Variants in RBM5 observed in about 807,000 individuals in gnomAD.
RBM5 encodes RNA-binding protein 5.
In RBM5, 15 loss-of-function variants were observed where a neutral mutation model predicts 124.6. The observed-to-expected ratio is 0.12, with a 90% CI of 0.08 to 0.19. The LOEUF is 0.19. Ranked by LOEUF, RBM5 falls within the 10% of genes least tolerant of loss-of-function variation. RBM5 has a pLI of 1.00. For synonymous variants in RBM5, 337 were observed against 361.2 expected (o/e 0.93, Z 0.76); for missense variants, 580 against 1,026.5 (o/e 0.57, Z 5.94).
Position 50,118,614 on chromosome 3 carries a change from A to G in RBM5, c.*158A>G. On this transcript the variant is annotated 3_prime_UTR_variant, in exon 25 of 25. Transcript: ENST00000347869. ...AGGGTTCTCCCTCCCACCTTAAAGA[A>G]GTTCCCCTTATGTGGGTTGCCTGGT... The G allele has an allele frequency of 8.3e-7, 1 of 1,201,944 alleles. No individual in the cohort carries two copies. The highest frequency in any genetic ancestry group is 1.1e-6 in the Non-Finnish European group (1 of 875,016). 74.5% of individuals were successfully genotyped at this position (1,201,944 alleles called of 1,614,324 possible).
intron 17 of RBM5, chr3:50,111,009 C>A: frequency 2.0e-6 from 1 of 509,028 alleles, no homozygotes; most frequent in Non-Finnish European, 3.5e-6. Flanking sequence ...ATGTGCAATT[C>A]TTTGAATGTT....
intron 4 of RBM5, among the ~76,000 whole-genome samples, chr3:50,099,233 G>C (rs2090889136): frequency 6.6e-6 from 1 of 150,898 alleles, no homozygotes; most frequent in South Asian, 2.1e-4. Flanking sequence ...TTCAGCCTGG[G>C]TGTCAGAGCT....
intron 7 of RBM5, among the ~76,000 whole-genome samples, 199 bp from the exon 8 acceptor site, chr3:50,104,049 A>G (rs967367305): frequency 6.6e-6 from 1 of 152,196 alleles, no homozygotes; most frequent in Non-Finnish European, 1.5e-5. Flanking sequence ...TCTTCAACAT[A>G]CAACAAACTT....
chr3:50,110,237 A>G (rs2091118258), intron 15 of RBM5, 142 bp from the exon 16 acceptor site: 1 of 681,802 alleles, frequency 1.5e-6, no homozygotes, highest in Non-Finnish European at 2.5e-6. Context: ...AGTTGTCAAC[A>G]TGTGTTTTGC....
intron 4 of RBM5, chr3:50,094,131 G>A: frequency 3.5e-6 from 1 of 281,874 alleles, no homozygotes; most frequent in Non-Finnish European, 6.6e-6. Context: ...CATGCCAAAG[G>A]TAATTTTATA....
At chr3:50,102,913 C>T in intron 6 of RBM5, 170 bp from the exon 7 acceptor site, 1 of 609,756 alleles carries the variant, frequency 1.6e-6, no homozygotes, top group South Asian at 1.9e-5. Context: ...CATTCTCTTA[C>T]TGCCTATCTG....
At chr3:50,110,545 C>T (rs931834763) in intron 16 of RBM5, 82 bp downstream of exon 16, 26 of 1,464,926 alleles carry the variant, frequency 1.8e-5, no homozygotes, top group South Asian at 4.6e-5. Context: ...TCTCCCTTTG[C>T]GGGTGTCAGA....
chr3:50,114,369 A>G (rs1349728565), intron 20 of RBM5, 118 bp downstream of exon 20: 6 of 1,022,978 alleles, frequency 5.9e-6, no homozygotes, highest in Admixed American at 3.0e-5. Context: ...ATCACTGTTG[A>G]TGGGTATTGG....
chr3:50,115,802 G>T (rs2109020044), intron 21 of RBM5, 104 bp from the exon 22 acceptor site: 1 of 1,273,024 alleles, frequency 7.9e-7, no homozygotes, highest in East Asian at 2.4e-5. Flanking sequence ...ATTGTGTATT[G>T]TTTGGGCTTT....
chr3:50,116,375 G>A (rs553289652), intron 22 of RBM5: 113 of 192,882 alleles, frequency 5.9e-4, no homozygotes, highest in Non-Finnish European at 9.2e-4. Flanking sequence ...TGATATGAAA[G>A]GAAGGGTGGG....
At chr3:50,116,671 C>G in intron 22 of RBM5, 2 of 268,274 alleles carry the variant, frequency 7.5e-6, no homozygotes, top group East Asian at 2.0e-4. Context: ...GAACAGGTCT[C>G]TGGAAGCCTC....
At position 50,117,460 on chromosome 3, in the gene RBM5, T is replaced by C. The variant is rs1034285768; in HGVS notation, c.2322+81T>C. 3 of 1,573,196 alleles carry C rather than the reference T, an allele frequency of 1.9e-6. No individual in the cohort carries two copies. Among genetic ancestry groups the C allele is most frequent in the Non-Finnish European group, 2.6e-6 (3 of 1,155,514 alleles). On this transcript the variant is annotated intron_variant, in intron 24 of 24. Coordinates refer to ENST00000347869, the MANE Select transcript of RBM5 (RefSeq NM_005778.4). The surrounding 1 kb of genome is among the most constrained non-coding windows in gnomAD (Gnocchi z 4.2). ...ATGAGATCAGAGCACTCATAGAGCC[T>C]GGGAGCCAGGAGCAGCTTTACCTTA... is the stretch of plus-strand genomic sequence containing the variant.
intron 1 of RBM5, among the ~76,000 whole-genome samples, chr3:50,089,679 C>T (rs2090667622): frequency 1.3e-5 from 2 of 152,138 alleles, no homozygotes; most frequent in African/African-American, 2.4e-5. Flanking sequence ...ACTAGGCTTC[C>T]AGAGACTACT....
intron 11 of RBM5, chr3:50,107,088 G>A: frequency 1.5e-6 from 1 of 683,086 alleles, no homozygotes; most frequent in Non-Finnish European, 2.7e-6. Flanking sequence ...CAGGAGAAAG[G>A]CAAGTATGGC....
In RBM5 at chr3:50,100,243, CT is replaced by C. The variant is rs898117383; in HGVS notation, c.409+200del. The stretch of plus-strand genomic sequence containing the variant: ...ACTTTTTTAAACTTTGTTTTAGGGA[CT>C]TTTTTTTCCTTAGGTAAGTAATGAT... On this transcript the variant is annotated intron_variant, in intron 5 of 24. Transcript: ENST00000347869. The surrounding 1 kb of genome is among the most constrained non-coding windows in gnomAD (Gnocchi z 5.1). 7.7e-5 allele frequency: 45 copies of C among 585,984 alleles called. No individual in the cohort carries two copies. The highest frequency in any genetic ancestry group is 1.0e-4 in the Non-Finnish European group (34 of 341,598). 36.3% of individuals were successfully genotyped at this position (585,984 alleles called of 1,614,324 possible).
intron 14 of RBM5, 38 bp downstream of exon 14, chr3:50,108,342 CACTT>C: frequency 6.6e-7 from 1 of 1,515,178 alleles, no homozygotes; most frequent in Non-Finnish European, 9.2e-7. Flanking sequence ...TTTGTTTAAG[CACTT>C]ACAGTTGAAG....
chr3:50,115,295 C>T (rs1187634328), intron 20 of RBM5, 133 bp from the exon 21 acceptor site: 15 of 1,091,558 alleles, frequency 1.4e-5, no homozygotes, highest in Non-Finnish European at 2.0e-5. Flanking sequence ...AAATGTGATT[C>T]ATTACTAAAG....
At chr3:50,113,567 T>C (rs769723911) in intron 18 of RBM5, 23 bp downstream of exon 18, 81 of 1,595,402 alleles carry the variant, frequency 5.1e-5, no homozygotes, top group Non-Finnish European at 6.8e-5. Context: ...CCCATATTTC[T>C]TTCATTGAGG....
intron 4 of RBM5, among the ~76,000 whole-genome samples, chr3:50,094,604 T>C (rs957489770): frequency 2.6e-5 from 4 of 152,182 alleles, no homozygotes; most frequent in African/African-American, 9.7e-5. Context: ...AGTGATCTTT[T>C]TACTTCAGTA....
Sources: gnomAD v4.1 joint callset for allele counts (sites outside exome capture counted in the v4.1 genomes callset) on GRCh38, gnomAD v4.1.1 for gene constraint, Gnocchi (gnomAD v3.1) non-coding constraint, MANE v1.5 for transcripts, NCBI Gene and HGNC (gene_info 2026-07-23, HGNC 2026-07-21) for gene names.